PCDHA7: variants seen among roughly 807,000 people sequenced by gnomAD.
PCDHA7 encodes the protein protocadherin alpha-7.
Under a neutral mutation model 57.2 loss-of-function variants are expected in PCDHA7, and 37 were observed. That is an observed-to-expected ratio of 0.65 (90% confidence interval 0.50 to 0.85). The LOEUF (loss-of-function observed/expected upper bound fraction) is 0.85, where lower values mean the gene tolerates loss of function less well. PCDHA7 is among the 40% of genes least tolerant of loss of function. The probability of loss-of-function intolerance (pLI) is 0.00; values close to 1 mark genes in which losing one functional copy is unlikely to be tolerated. For synonymous variants in PCDHA7, 553 were observed against 558.8 expected (o/e 0.99, Z 0.15); for missense variants, 1,188 against 1,241.8 (o/e 0.96, Z 0.65).
At chr5:140,841,406 G>C (rs2150314785) in intron 1 of PCDHA7, 3 of 1,613,082 alleles carry the variant, frequency 1.9e-6, no homozygotes, top group Non-Finnish European at 1.7e-6. Context: ...GGTGGGGAGC[G>C]GCCAGCTCCA....
chr5:140,842,293 C>T, intron 1 of PCDHA7: 1 of 1,609,994 alleles, frequency 6.2e-7, no homozygotes, highest in South Asian at 1.1e-5. Flanking sequence ...ACGCCACGGA[C>T]AAAGGCCATC....
chr5:140,883,847 G>A (rs782603246), intron 1 of PCDHA7: 3 of 1,612,878 alleles, frequency 1.9e-6, no homozygotes, highest in Non-Finnish European at 8.5e-7. Flanking sequence ...GGACCACGAG[G>A]AGCTGGAGCT....
At chr5:140,958,867 T>C (rs1312043891) in intron 1 of PCDHA7, among the ~76,000 whole-genome samples, 1 of 152,146 alleles carries the variant, frequency 6.6e-6, no homozygotes, top group Non-Finnish European at 1.5e-5. Context: ...ACTGGGTTTA[T>C]AAAAGAATTG....
intron 1 of PCDHA7, chr5:140,850,221 G>A: frequency 1.9e-6 from 3 of 1,593,734 alleles, no homozygotes; most frequent in South Asian, 2.2e-5. Context: ...CACTGACGGC[G>A]CAGTGAGCGA....
At chr5:140,971,372 A>G (rs1554233263) in intron 1 of PCDHA7, among the ~76,000 whole-genome samples, 1 of 152,214 alleles carries the variant, frequency 6.6e-6, no homozygotes, top group Non-Finnish European at 1.5e-5. Flanking sequence ...AGGAGAGTGC[A>G]TGACTTTAAT....
At chr5:140,966,267 G>T (rs141363782) in intron 1 of PCDHA7, 112 of 351,092 alleles carry the variant, frequency 3.2e-4, no homozygotes, top group Non-Finnish European at 4.7e-4. Context: ...GAGACTGGAT[G>T]AACTGGACAG....
intron 1 of PCDHA7, among the ~76,000 whole-genome samples, chr5:140,915,441 A>G (rs2077120331): frequency 6.6e-6 from 1 of 152,052 alleles, no homozygotes; most frequent in African/African-American, 2.4e-5. Context: ...GTCCTTCTTG[A>G]GAAGGTTTTC....
At chr5:140,904,642 C>G (rs1257685945) in intron 1 of PCDHA7, among the ~76,000 whole-genome samples, 2 of 152,132 alleles carry the variant, frequency 1.3e-5, no homozygotes, top group Non-Finnish European at 2.9e-5. Context: ...AATCTCCACA[C>G]TGTTTTCCAT....
At chr5:140,907,021 C>A (rs950958374) in intron 1 of PCDHA7, among the ~76,000 whole-genome samples, 1 of 152,168 alleles carries the variant, frequency 6.6e-6, no homozygotes, top group Non-Finnish European at 1.5e-5. Flanking sequence ...TCTAGGCCAG[C>A]AGAACATAAT....
rs1554174531 is a variant in PCDHA7 at position 140,882,554 on chromosome 5, T to G, written c.2355+45816T>G. On this transcript the variant is annotated intron_variant, in intron 1 of 3. Transcript: ENST00000525929. ...TTCTCGGATCGACCGCGAGGAGCTG[T>G]GTGGGCGGAGCGCGGAGTGCAGCAT... is the stretch of plus-strand genomic sequence containing the variant. 1.9e-6 allele frequency: 3 copies of G among 1,614,174 alleles called. No homozygotes were observed. The South Asian group carries it at 3.3e-5, about 18-fold the overall frequency.
At chr5:140,868,974 C>G in intron 1 of PCDHA7, 1 of 1,471,886 alleles carries the variant, frequency 6.8e-7, no homozygotes, top group Non-Finnish European at 9.1e-7. Flanking sequence ...GGAACTCCAT[C>G]ATACCGGATG....
intron 1 of PCDHA7, chr5:140,848,937 C>G: frequency 1.2e-6 from 2 of 1,607,518 alleles, no homozygotes; most frequent in Non-Finnish European, 1.7e-6. Context: ...ATCCAGGCCG[C>G]TTGACTCTCG....
intron 1 of PCDHA7, among the ~76,000 whole-genome samples, chr5:140,944,938 A>G (rs2153667882): frequency 6.6e-6 from 1 of 152,262 alleles, no homozygotes; most frequent in African/African-American, 2.4e-5. Context: ...CCTTCTTTAG[A>G]TGATTGTGAA....
At chr5:140,857,325 C>G (rs200630375) in intron 1 of PCDHA7, 2 of 1,598,630 alleles carry the variant, frequency 1.3e-6, no homozygotes, top group African/African-American at 1.3e-5. Flanking sequence ...GTGGTGACCG[C>G]GCGGGACGGG....
Position 141,010,435 on chromosome 5 carries a change from A to C in PCDHA7, c.*498A>C. 1 of 1,039,068 alleles carries C rather than the reference A, an allele frequency of 9.6e-7. No individual in the cohort carries two copies. The highest frequency in any genetic ancestry group is 1.4e-6 in the Non-Finnish European group (1 of 739,892). The allele number at this position is 1,039,068 out of a possible 1,614,324, so 64.4% of individuals were successfully genotyped here. A position where few individuals can be genotyped will look rare whatever the true frequency, so the allele number is the denominator to read the frequency against. On this transcript the variant is annotated 3_prime_UTR_variant, in exon 4 of 4. Transcript: ENST00000525929. ...TGGTACAAGGAAGGCAAGAAAACAA[A>C]GACAAATAAACAGCGGAAGTTATCA...
At chr5:141,008,745 G>A (rs759690147) in intron 3 of PCDHA7, among the ~76,000 whole-genome samples, 5 of 152,200 alleles carry the variant, frequency 3.3e-5, no homozygotes, top group Non-Finnish European at 7.3e-5. Context: ...TGAGCACACT[G>A]AGGGAAGGAA....
intron 1 of PCDHA7, chr5:140,883,550 C>A: frequency 6.2e-7 from 1 of 1,614,188 alleles, no homozygotes; most frequent in Non-Finnish European, 8.5e-7. Flanking sequence ...GGTGACCGCG[C>A]GGGACGGGGG....
chr5:140,870,722 G>A (rs1554164638), intron 1 of PCDHA7: 2 of 1,613,222 alleles, frequency 1.2e-6, no homozygotes, highest in East Asian at 2.2e-5. Context: ...CGCGATGCGG[G>A]CGTGCCGCCT....
intron 1 of PCDHA7, among the ~76,000 whole-genome samples, chr5:140,838,390 C>T (rs1554137063): frequency 6.6e-6 from 1 of 150,926 alleles, no homozygotes; most frequent in African/African-American, 2.5e-5. Flanking sequence ...TCCCAATGTG[C>T]TGGGATTACA....
Sources: allele counts gnomAD v4.1 joint callset (sites outside exome capture counted in the v4.1 genomes callset), GRCh38; gene constraint gnomAD v4.1.1; transcripts MANE v1.5; gene names NCBI Gene and HGNC (gene_info 2026-07-23, HGNC 2026-07-21).